TMPRSS9: variants seen among roughly 807,000 people sequenced by gnomAD.
TMPRSS9 encodes the protein transmembrane serine protease 9.
Under a neutral mutation model 111.4 loss-of-function variants are expected in TMPRSS9, and 113 were observed. That is an observed-to-expected ratio of 1.01 (90% CI 0.87 to 1.19). The LOEUF is 1.19. TMPRSS9 is among the 50% of genes most tolerant of loss of function. The pLI is 0.00. For synonymous variants in TMPRSS9, 805 were observed against 659.1 expected (o/e 1.22, Z -3.39); for missense variants, 1,803 against 1,513.1 (o/e 1.19, Z -3.18).
intron 10 of TMPRSS9, among the ~76,000 whole-genome samples, chr19:2,414,377 T>C (rs1187775878): frequency 6.6e-6 from 1 of 151,826 alleles, no homozygotes; most frequent in Non-Finnish European, 1.5e-5. Flanking sequence ...ACAGCCGGGA[T>C]TACAGGCACA....
In TMPRSS9 at chr19:2,424,252, C is replaced by T. The variant is rs139831678; in HGVS notation, c.2712C>T (p.Phe904=). The stretch of plus-strand genomic sequence containing the variant: ...GGCTGCTGTCGGCGGCGCACTGCTT[C>T]GACGTGTGAGTTCCAAACGCTCCAA... Residue 904 remains phenylalanine (F), a synonymous_variant, in exon 15 of 18, where the codon TTC becomes TTT. Coordinates refer to ENST00000648592, the Ensembl canonical transcript of TMPRSS9. 2.2e-5 allele frequency: 30 copies of T among 1,384,388 alleles called. No individual in the cohort carries two copies. The African/African-American group carries it at 2.5e-4, about 12-fold the overall frequency. The allele number at this position is 1,384,388 out of a possible 1,614,324, so 85.8% of individuals were successfully genotyped here.
intron 1 of TMPRSS9, among the ~76,000 whole-genome samples, chr19:2,393,517 A>G (rs752150604): frequency 1.6e-4 from 25 of 152,190 alleles, no homozygotes; most frequent in Non-Finnish European, 2.8e-4. Context: ...GAGGATCCGC[A>G]GCTTCATTCT....
rs1166892374 is a variant in TMPRSS9 at position 2,408,353 on chromosome 19, C to G, written c.843-3C>G. ...GCTTCTGAGCTGGGGTTTGCTCCTG[C>G]AGGTTCCAAGACCCGACGAAGTGGG... On this transcript the variant is annotated splice_polypyrimidine_tract_variant and splice_region_variant and intron_variant, in intron 7 of 17. Transcript: ENST00000648592. 3 of 1,610,966 alleles carry G rather than the reference C, an allele frequency of 1.9e-6. No individual in the cohort carries two copies. The African/African-American group carries it at 4.0e-5, about 22-fold the overall frequency.
chr19:2,393,480 A>G (rs1304389189), intron 1 of TMPRSS9, among the ~76,000 whole-genome samples: 8 of 152,202 alleles, frequency 5.3e-5, no homozygotes, highest in Non-Finnish European at 4.4e-5. Context: ...CGGACACACC[A>G]TCTTTAAGAA....
rs960299658 is a variant in TMPRSS9 at position 2,366,624 on chromosome 19, G to C, written c.-26+6264G>C. Among the ~76,000 whole-genome samples the C allele has an allele frequency of 2.4e-4, 36 of 151,496 alleles. 1 individual carries two copies. The highest frequency in any genetic ancestry group is 8.0e-4 in the African/African-American group (33 of 41,254). On this transcript the variant is annotated intron_variant, in intron 1 of 17. Coordinates refer to the TMPRSS9 transcript ENST00000649857. ...TGTAATCCCAGCACTTTGGGAGGCT[G>C]AGGAGGGCAGATCACAAGGTCAGGA... is the stretch of plus-strand genomic sequence containing the variant.
intron 6 of TMPRSS9, among the ~76,000 whole-genome samples, chr19:2,403,890 G>A (rs1305884985): frequency 2.0e-5 from 3 of 151,922 alleles, no homozygotes; most frequent in Non-Finnish European, 4.4e-5. Context: ...CTATTTGGGA[G>A]GCTGAGGCAG....
At chr19:2,364,936 G>T (rs1222699372) in intron 1 of TMPRSS9, among the ~76,000 whole-genome samples, 2 of 150,068 alleles carry the variant, frequency 1.3e-5, no homozygotes, top group African/African-American at 2.5e-5. Flanking sequence ...CCAGGATCGC[G>T]CCACTGCACT....
chr19:2,377,090 G>T (rs1051734319), intron 1 of TMPRSS9, among the ~76,000 whole-genome samples: 2 of 151,060 alleles, frequency 1.3e-5, no homozygotes, highest in African/African-American at 4.9e-5. Flanking sequence ...CTGGCTATCC[G>T]CATGCTGGTC....
intron 1 of TMPRSS9, among the ~76,000 whole-genome samples, chr19:2,372,032 C>T (rs556269325): frequency 2.6e-5 from 4 of 152,272 alleles, no homozygotes; most frequent in East Asian, 3.9e-4. Context: ...CCACCATGCC[C>T]GGCTAAATTT....
At chr19:2,393,192 T>A (rs1351788501) in intron 1 of TMPRSS9, among the ~76,000 whole-genome samples, 1 of 152,126 alleles carries the variant, frequency 6.6e-6, no homozygotes, top group East Asian at 1.9e-4. Flanking sequence ...GAGGATTTGT[T>A]TTTTAATTCT....
upstream of TMPRSS9, among the ~76,000 whole-genome samples, chr19:2,387,233 G>C (rs1394694181): frequency 6.6e-6 from 1 of 151,806 alleles, no homozygotes; most frequent in East Asian, 2.0e-4. Flanking sequence ...GGTGGCTCAT[G>C]CCTGTAATCC....
intron 1 of TMPRSS9, among the ~76,000 whole-genome samples, chr19:2,362,637 TG>T (rs1428874805): frequency 6.6e-6 from 1 of 152,022 alleles, no homozygotes; most frequent in Non-Finnish European, 1.5e-5. Context: ...TGTATGACTG[TG>T]TATGGTGGAG....
chr19:2,422,238 C>CAGCT lies in TMPRSS9; in HGVS notation c.2541_2544dup (p.Pro849AlafsTer195). On this transcript the variant is annotated frameshift_variant, in exon 14 of 18. Transcript: ENST00000648592. LOFTEE classifies it high-confidence loss of function. ...CGCCCCGGAGGCCACCACACACACC[C>CAGCT]AGCTACCAGGTACCGGGAGAGACGG... The CAGCT allele has an allele frequency of 6.6e-7, 1 of 1,508,132 alleles. No individual in the cohort carries two copies. Among genetic ancestry groups the CAGCT allele is most frequent in the South Asian group, 1.3e-5 (1 of 75,618 alleles). The allele number at this position is 1,508,132 out of a possible 1,614,324, so 93.4% of individuals were successfully genotyped here.
Position 2,425,358 on chromosome 19 carries a change from C to T in TMPRSS9, c.2985C>T (p.Gly995=). 2.7e-6 allele frequency: 4 copies of T among 1,508,480 alleles called. No homozygotes were observed. The South Asian group carries it at 3.7e-5, about 14-fold the overall frequency. The allele number at this position is 1,508,480 out of a possible 1,614,324, so 93.4% of individuals were successfully genotyped here. The change falls in exon 17 of 18, where the codon GGC becomes GGT. Residue 995 remains glycine (G), a splice_region_variant and synonymous_variant. Transcript: ENST00000648592. The stretch of plus-strand genomic sequence containing the variant: ...CCCGTCTCGCTCGCCCGCCCGCAGG[C>T]TCCATGGCGCGGCAGCTGCAGAAGG...
chr19:2,375,877 C>T (rs1017541913), intron 1 of TMPRSS9, among the ~76,000 whole-genome samples: 2 of 152,168 alleles, frequency 1.3e-5, no homozygotes, highest in Non-Finnish European at 2.9e-5. Flanking sequence ...ATTTCATTGC[C>T]TTGCTGGGAC....
intron 1 of TMPRSS9, among the ~76,000 whole-genome samples, chr19:2,384,299 C>T (rs1336687998): frequency 6.6e-6 from 1 of 152,222 alleles, no homozygotes; most frequent in African/African-American, 2.4e-5. Context: ...CCCCCACCCT[C>T]TGCAGAGAAA....
At chr19:2,422,039 G>A (rs141506047) in exon 14 of TMPRSS9, 27 of 1,612,488 alleles carry the variant, frequency 1.7e-5, no homozygotes, top group Admixed American at 3.3e-5. Flanking sequence ...CTCCCCCCTC[G>A]ACCACAAGGA....
rs940443586 is a variant in TMPRSS9 at position 2,369,046 on chromosome 19, G to A, written c.-26+8686G>A. Among the ~76,000 whole-genome samples the A allele has an allele frequency of 2.0e-5, 3 of 151,306 alleles. 1 individual carries two copies. Among genetic ancestry groups the A allele is most frequent in the African/African-American group, 7.3e-5 (3 of 41,140 alleles). On this transcript the variant is annotated intron_variant, in intron 1 of 17. Transcript: ENST00000649857. ...GGCTCACTGTAACCTCCACCTCCCG[G>A]GTTCAAGTGATTCTCCTGCCTCAGC...
chr19:2,414,829 G>C (rs548892800), intron 10 of TMPRSS9, among the ~76,000 whole-genome samples: 1 of 151,210 alleles, frequency 6.6e-6, no homozygotes, highest in Admixed American at 6.6e-5. Context: ...ACGGTGACAT[G>C]GTGCCACTGC....
Sources: gnomAD v4.1 joint callset for allele counts (sites outside exome capture counted in the v4.1 genomes callset) on GRCh38, gnomAD v4.1.1 for gene constraint, MANE v1.5 for transcripts, NCBI Gene and HGNC (gene_info 2026-07-23, HGNC 2026-07-21) for gene names.